BTBD1: variants seen among roughly 807,000 people sequenced by gnomAD.
The protein encoded by BTBD1 is BTB/POZ domain-containing protein 1.
Under a neutral mutation model 48.0 loss-of-function variants are expected in BTBD1, and 34 were observed. That is an observed-to-expected ratio of 0.71 (90% confidence interval 0.54 to 0.94). The LOEUF (loss-of-function observed/expected upper bound fraction) is 0.94, where lower values mean the gene tolerates loss of function less well. BTBD1 is among the 40% of genes least tolerant of loss of function. The pLI, the probability that BTBD1 is intolerant of heterozygous loss-of-function variation, is 0.00. For synonymous variants in BTBD1, 261 were observed against 242.1 expected (o/e 1.08, Z -0.72); for missense variants, 543 against 625.6 (o/e 0.87, Z 1.41).
intron 1 of BTBD1, among the ~76,000 whole-genome samples, chr15:83,060,788 A>G (rs2033163923): frequency 6.6e-6 from 1 of 152,182 alleles, no homozygotes; most frequent in African/African-American, 2.4e-5. Flanking sequence ...GTGAAACTCT[A>G]TCTCAAAAAA....
chr15:83,057,711 C>T (rs749084431), intron 1 of BTBD1, among the ~76,000 whole-genome samples: 11 of 152,340 alleles, frequency 7.2e-5, no homozygotes, highest in East Asian at 1.9e-4. Flanking sequence ...TAAAAGTTCT[C>T]GTCTGTTTCC....
chr15:83,033,042 T>C (rs950620116), intron 4 of BTBD1, among the ~76,000 whole-genome samples: 1 of 151,226 alleles, frequency 6.6e-6, no homozygotes, highest in Non-Finnish European at 1.5e-5. Flanking sequence ...ACCTTGAGCT[T>C]TCTACCCAGA....
intron 4 of BTBD1, among the ~76,000 whole-genome samples, chr15:83,034,059 G>A (rs1486263896): frequency 6.9e-6 from 1 of 144,092 alleles, no homozygotes; most frequent in Non-Finnish European, 1.5e-5. Context: ...CTGCATTCCA[G>A]CCTGGGTGAC....
intron 1 of BTBD1, 59 bp from the exon 2 acceptor site, chr15:83,056,604 A>G: frequency 1.4e-6 from 2 of 1,427,064 alleles, no homozygotes; most frequent in Non-Finnish European, 2.0e-6. Flanking sequence ...TAAGCAATCC[A>G]TCACAGTTAA....
chr15:83,021,489 T>G (rs1254460621), intron 5 of BTBD1, among the ~76,000 whole-genome samples: 1 of 152,136 alleles, frequency 6.6e-6, no homozygotes, highest in Non-Finnish European at 1.5e-5. Context: ...GTGTGGTGGC[T>G]CACACTGCAA....
chr15:83,046,799 G>A (rs2032887731), intron 3 of BTBD1, among the ~76,000 whole-genome samples: 1 of 152,198 alleles, frequency 6.6e-6, no homozygotes, highest in Admixed American at 6.5e-5. Flanking sequence ...CCGTCCTTCA[G>A]TATATTATAA....
intron 4 of BTBD1, among the ~76,000 whole-genome samples, chr15:83,039,122 CA>C (rs2032687342): frequency 6.6e-6 from 1 of 151,778 alleles, no homozygotes. Context: ...AAAATATTCA[CA>C]AACTATGTGT....
chr15:83,064,223 C>T (rs1394972087), intron 1 of BTBD1, among the ~76,000 whole-genome samples: 1 of 152,104 alleles, frequency 6.6e-6, no homozygotes, highest in East Asian at 1.9e-4. Context: ...ATCTTTTTGT[C>T]ACGTATTAGC....
Position 83,064,464 on chromosome 15 carries a change from C to A in BTBD1, c.401+2287G>T, listed in dbSNP as rs917875955. 2.0e-5 allele frequency among the ~76,000 whole-genome samples: 3 copies of A among 152,194 alleles called. No homozygotes were observed. In the East Asian group the frequency reaches 5.8e-4, roughly 29 times the overall value. On this transcript the variant is annotated intron_variant, in intron 1 of 7. Transcript: ENST00000261721. ...TACATTTCAAACACTCTAAAATTAA[C>A]TTACTTTCTATTGATGGGAAAGCAC...
intron 5 of BTBD1, among the ~76,000 whole-genome samples, chr15:83,027,226 C>G (rs1415442243): frequency 6.6e-6 from 1 of 152,124 alleles, no homozygotes; most frequent in African/African-American, 2.4e-5. Context: ...GTGGCACATG[C>G]CTGTAATCCC....
intron 1 of BTBD1, among the ~76,000 whole-genome samples, chr15:83,057,755 T>C (rs2033112311): frequency 6.6e-6 from 1 of 152,268 alleles, no homozygotes; most frequent in African/African-American, 2.4e-5. Context: ...TCTTGGTCTC[T>C]GTCATTCACG....
intron 7 of BTBD1, 28 bp downstream of exon 7, chr15:83,018,679 C>T: frequency 6.2e-7 from 1 of 1,606,534 alleles, no homozygotes; most frequent in Non-Finnish European, 8.5e-7. Context: ...AAGAGGAAAC[C>T]ATCTGGAACA....
chr15:83,039,984 G>GACACACACACAC (rs34590396), intron 4 of BTBD1, among the ~76,000 whole-genome samples: 53 of 146,212 alleles, frequency 3.6e-4, no homozygotes, highest in African/African-American at 1.2e-3. Context: ...TAGAGAATGT[G>GACACACACACAC]ACACACACAC....
intron 4 of BTBD1, among the ~76,000 whole-genome samples, chr15:83,040,699 C>CAAAAAAAAAAA (rs71156070): frequency 7.0e-5 from 4 of 57,232 alleles, no homozygotes; most frequent in Admixed American, 2.0e-4. Context: ...GACCCTGTCT[C>CAAAAAAAAAAA]AAAAAAAAAA....
Position 83,016,695 on chromosome 15 carries a change from A to G in BTBD1, c.*1372T>C, listed in dbSNP as rs1206194683. On this transcript the variant is annotated 3_prime_UTR_variant, in exon 8 of 8. Coordinates refer to ENST00000261721, the MANE Select transcript of BTBD1 (RefSeq NM_025238.4). ...AGTTAACCAGAACCACACATCCCAT[A>G]GATAATTCCATTTAACTGAGGTTTA... 2 of 152,178 alleles carry G rather than the reference A, an allele frequency of 1.3e-5. No homozygotes were observed. Among genetic ancestry groups the G allele is most frequent in the Non-Finnish European group, 2.9e-5 (2 of 68,026 alleles). The allele number at this position is 152,178 out of a possible 1,614,324, so 9.4% of individuals were successfully genotyped here. A position where few individuals can be genotyped will look rare whatever the true frequency, so the allele number is the denominator to read the frequency against.
At chr15:83,036,937 G>C (rs1401166545) in intron 4 of BTBD1, among the ~76,000 whole-genome samples, 1 of 152,034 alleles carries the variant, frequency 6.6e-6, no homozygotes, top group African/African-American at 2.4e-5. Context: ...CATGACAAAG[G>C]CTTCTGGGGT....
At chr15:83,042,368 ATATATATATGTATG>A (rs1471824073) in intron 3 of BTBD1, among the ~76,000 whole-genome samples, 29 of 122,512 alleles carry the variant, frequency 2.4e-4, no homozygotes, top group African/African-American at 9.2e-4. Flanking sequence ...ATATATATAT[ATATATATATGTATG>A]TATATATTTT....
intron 4 of BTBD1, among the ~76,000 whole-genome samples, chr15:83,033,817 A>T (rs1345594503): frequency 6.6e-6 from 1 of 152,050 alleles, no homozygotes; most frequent in Non-Finnish European, 1.5e-5. Context: ...GACTCAAACA[A>T]TCTACCTGCC....
intron 4 of BTBD1, among the ~76,000 whole-genome samples, chr15:83,031,354 C>T (rs377321141): frequency 5.9e-5 from 9 of 152,222 alleles, no homozygotes; most frequent in South Asian, 2.1e-4. Context: ...TCATATCCTT[C>T]GCCCAGCAGA....
Sources: gnomAD v4.1 joint callset for allele counts (sites outside exome capture counted in the v4.1 genomes callset) on GRCh38, gnomAD v4.1.1 for gene constraint, MANE v1.5 for transcripts, NCBI Gene and HGNC (gene_info 2026-07-23, HGNC 2026-07-21) for gene names.